TM9SF1: variants seen among roughly 807,000 people sequenced by gnomAD.
TM9SF1 encodes transmembrane 9 superfamily member 1, also known as MP70 protein family member.
In TM9SF1, 25 loss-of-function variants were observed where a neutral mutation model predicts 52.4. The ratio of observed to expected loss-of-function variants is 0.48; its 90% CI spans 0.35 to 0.67. The LOEUF is 0.67. Among genes scored for constraint, TM9SF1 ranks in the 30% least tolerant of loss-of-function variants. TM9SF1 has a pLI of 0.01. For synonymous variants in TM9SF1, 284 were observed against 299.8 expected (o/e 0.95, Z 0.55); for missense variants, 604 against 780.3 (o/e 0.77, Z 2.69).
chr14:24,189,175 A>C lies in TM9SF1; in HGVS notation c.*240T>G. 1 of 474,362 alleles carries C rather than the reference A, an allele frequency of 2.1e-6. No homozygotes were observed. 29.4% of individuals were successfully genotyped at this position (474,362 alleles called of 1,614,324 possible). A position where few individuals can be genotyped will look rare whatever the true frequency, so the allele number is the denominator to read the frequency against. On this transcript the variant is annotated 3_prime_UTR_variant, in exon 6 of 6. Transcript: ENST00000261789. ...TTTTCTTAATAAATTTTATTTTGGT[A>C]ATTGTAAAAAGAAAAATCAGGACCA...
chr14:24,190,538 G>A lies in TM9SF1; in HGVS notation c.1269C>T (p.Gly423=). Reference sequence around the variant, plus strand: ...TGCCTCCAATGACAGTGAGGGGAAAGCCCACCAGCAGCCAAACCGTCAGAA... The same window carrying A: ...TGCCTCCAATGACAGTGAGGGGAAAACCCACCAGCAGCCAAACCGTCAGAA... The part of the protein sequence containing the change: ...LLLLTVWLLV[G]FPLTVIGGIF... The change falls in exon 5 of 6, where the codon GGC becomes GGT. Residue 423 remains glycine (G), a synonymous_variant. Transcript: ENST00000261789. 6.2e-7 allele frequency: 1 copy of A among 1,614,180 alleles called. No homozygotes were observed. The highest frequency in any genetic ancestry group is 8.5e-7 in the Non-Finnish European group (1 of 1,180,040).
chr14:24,190,090 G>C (rs2039294193), intron 5 of TM9SF1: 1 of 1,357,926 alleles, frequency 7.4e-7, no homozygotes, highest in Non-Finnish European at 9.4e-7. Context: ...ATTCAACAAA[G>C]TAAATGGGTC....
At position 24,193,279 on chromosome 14, in the gene TM9SF1, G is replaced by A. The variant is rs1039430840; in HGVS notation, c.346-10C>T. The A allele has an allele frequency of 3.8e-6, 6 of 1,582,308 alleles. No individual in the cohort carries two copies. The African/African-American group carries it at 8.1e-5, about 21-fold the overall frequency. On this transcript the variant is annotated splice_polypyrimidine_tract_variant and intron_variant, in intron 2 of 5. Transcript: ENST00000261789. Reference sequence around the variant, plus strand: ...GGCGCAGCTGCTCCACCTATAAAGAGCAAGTCAGGAGTTGGTCACACAAGA... The same window carrying A: ...GGCGCAGCTGCTCCACCTATAAAGAACAAGTCAGGAGTTGGTCACACAAGA...
chr14:24,195,376 A>G lies in TM9SF1; in HGVS notation c.-48T>C. 4.2e-6 allele frequency: 1 copy of G among 237,144 alleles called. No individual in the cohort carries two copies. Among genetic ancestry groups the G allele is most frequent in the South Asian group, 7.6e-5 (1 of 13,140 alleles). 14.7% of individuals were successfully genotyped at this position (237,144 alleles called of 1,614,324 possible). ...GGGAAGGGCTGGCCGAGGCGGCGCC[A>G]GCGGCCTTCGCGCCCCCGTAGCTGC... On this transcript the variant is annotated 5_prime_UTR_variant, in exon 1 of 6. Coordinates refer to ENST00000261789, the MANE Select transcript of TM9SF1 (RefSeq NM_006405.7).
At position 24,192,576 on chromosome 14, in the gene TM9SF1, C is replaced by T; in HGVS notation, c.967+72G>A. ...CTGGATAGAAGAGAAGATCCACAGA[C>T]CTTTTCTGAACAAACTCCCTACCTA... On this transcript the variant is annotated intron_variant, in intron 3 of 5. Transcript: ENST00000261789. This position sits in a 1 kb window ranked among gnomAD's most constrained non-coding sequence, Gnocchi z 4.0. 6.6e-7 allele frequency: 1 copy of T among 1,503,840 alleles called. No individual in the cohort carries two copies. The highest frequency in any genetic ancestry group is 8.9e-7 in the Non-Finnish European group (1 of 1,124,954). The allele number at this position is 1,503,840 out of a possible 1,614,324, so 93.2% of individuals were successfully genotyped here. A position where few individuals can be genotyped will look rare whatever the true frequency, so the allele number is the denominator to read the frequency against.
At position 24,192,195 on chromosome 14, in the gene TM9SF1, T is replaced by C; in HGVS notation, c.1129A>G (p.Ile377Val). ...IGGERWVWNI[I>V]LTTSLFSVPF... ...CCAGAGAAGAGACTGGTGGTGAGAA[T>C]GATGTTCCACACCCAACGCTCGCCT... is the stretch of plus-strand genomic sequence containing the variant. Residue 377 changes from isoleucine to valine, a missense_variant, in exon 4 of 6, where the codon ATT becomes GTT. Coordinates refer to ENST00000261789, the MANE Select transcript of TM9SF1 (RefSeq NM_006405.7). This position sits in a 1 kb window ranked among gnomAD's most constrained non-coding sequence, Gnocchi z 4.0. The C allele has an allele frequency of 1.2e-6, 2 of 1,614,122 alleles. No individual in the cohort carries two copies. Among genetic ancestry groups the C allele is most frequent in the South Asian group, 1.1e-5 (1 of 91,080 alleles).
chr14:24,194,979 C>A lies in TM9SF1; in HGVS notation c.41G>T (p.Trp14Leu), dbSNP rs761386899. ...VGNPRSWSCQWLPILILLLGT... is the reference protein window; with the variant it reads ...VGNPRSWSCQLLPILILLLGT... The stretch of plus-strand genomic sequence containing the variant: ...CAGCAACAGTATCAGGATTGGCAAC[C>A]ACTGGCAGCTCCAACTTCGAGGGTT... Residue 14 changes from tryptophan to leucine, a missense_variant, in exon 2 of 6, where the codon TGG becomes TTG. By Grantham distance (61) the Trp-to-Leu change is moderately conservative. Around this residue, in one of 3 missense-constraint regions of TM9SF1, gnomAD observed 47 missense variants for 39.7 expected, o/e 1.18. Coordinates refer to ENST00000261789, the MANE Select transcript of TM9SF1 (RefSeq NM_006405.7). 6 of 1,614,060 alleles carry A rather than the reference C, an allele frequency of 3.7e-6. No homozygotes were observed. In the African/African-American group the frequency reaches 4.0e-5, roughly 11 times the overall value.
In TM9SF1 at chr14:24,189,255, T is replaced by G. The variant is rs1045087264; in HGVS notation, c.*160A>C. On this transcript the variant is annotated 3_prime_UTR_variant, in exon 6 of 6. Coordinates refer to ENST00000261789, the MANE Select transcript of TM9SF1 (RefSeq NM_006405.7). ...ATATAATCCTTATGTGATAGAGATTTATAATTTCCAGGCCCTCTCTGGGGA... is the reference window on the plus strand; with the variant it reads ...ATATAATCCTTATGTGATAGAGATTGATAATTTCCAGGCCCTCTCTGGGGA... The G allele has an allele frequency of 2.7e-6, 2 of 731,760 alleles. No individual in the cohort carries two copies. Among genetic ancestry groups the G allele is most frequent in the African/African-American group, 3.5e-5 (2 of 56,974 alleles). The allele number at this position is 731,760 out of a possible 1,614,324, so 45.3% of individuals were successfully genotyped here. A position where few individuals can be genotyped will look rare whatever the true frequency, so the allele number is the denominator to read the frequency against.
chr14:24,189,947 G>C, intron 5 of TM9SF1, 139 bp from the exon 6 acceptor site: 1 of 1,405,754 alleles, frequency 7.1e-7, no homozygotes, highest in Non-Finnish European at 9.3e-7. Flanking sequence ...CTCTGCCCCA[G>C]ATCTCCTGGC....
intron 5 of TM9SF1, 172 bp downstream of exon 5, chr14:24,190,208 A>G (rs931910302): frequency 4.8e-6 from 7 of 1,450,272 alleles, no homozygotes; most frequent in Admixed American, 2.9e-5. Context: ...AGACACTCTC[A>G]TATCATTCAA....
Position 24,193,466 on chromosome 14 carries a change from A to C in TM9SF1, c.346-197T>G, listed in dbSNP as rs188260503. Among the ~76,000 whole-genome samples the C allele has an allele frequency of 2.5e-3, 383 of 151,974 alleles. 1 individual carries two copies. Among genetic ancestry groups the C allele is most frequent in the Middle Eastern group, 0.01 (3 of 294 alleles). On this transcript the variant is annotated intron_variant, in intron 2 of 5. Coordinates refer to ENST00000261789, the MANE Select transcript of TM9SF1 (RefSeq NM_006405.7). ...ACTGCAACTTCTGCCTCCTGGGTTCAAGCAATTCTCCTGCCTCAGCCTCCC... is the reference window on the plus strand; with the variant it reads ...ACTGCAACTTCTGCCTCCTGGGTTCCAGCAATTCTCCTGCCTCAGCCTCCC...
At position 24,194,783 on chromosome 14, in the gene TM9SF1, C is replaced by T; in HGVS notation, c.237G>A (p.Leu79=). The T allele has an allele frequency of 6.2e-7, 1 of 1,614,244 alleles. No homozygotes were observed. Among genetic ancestry groups the T allele is most frequent in the Non-Finnish European group, 8.5e-7 (1 of 1,180,040 alleles). Reference sequence around the variant, plus strand: ...TTCGGTCCCCATCCAGCACTTCACCCAGGCTAAGGCTTTTGTGACGTATCT... The same window carrying T: ...TTCGGTCCCCATCCAGCACTTCACCTAGGCTAAGGCTTTTGTGACGTATCT... ...PEKIRHKSLS[L]GEVLDGDRMA... The change falls in exon 2 of 6, where the codon CTG becomes CTA. Residue 79 remains leucine (L), a synonymous_variant. Coordinates refer to ENST00000261789, the MANE Select transcript of TM9SF1 (RefSeq NM_006405.7).
At chr14:24,193,785 T>C (rs1296028909) in intron 2 of TM9SF1, among the ~76,000 whole-genome samples, 1 of 150,894 alleles carries the variant, frequency 6.6e-6, no homozygotes, top group African/African-American at 2.4e-5. Context: ...CTGGGCGTGG[T>C]GGCGGGCGCC....
In TM9SF1 at chr14:24,193,249, G is replaced by A; in HGVS notation, c.366C>T (p.Ala122=). ...ATTCAAAGTAGTACAGTTCTTCAATGGCCTGGCGCAGCTGCTCCACCTATA... is the reference window on the plus strand; with the variant it reads ...ATTCAAAGTAGTACAGTTCTTCAATAGCCTGGCGCAGCTGCTCCACCTATA... ...SSAQVEQLRQ[A]IEELYYFEFV... Residue 122 remains alanine (A), a synonymous_variant, in exon 3 of 6, where the codon GCC becomes GCT. Coordinates refer to ENST00000261789, the MANE Select transcript of TM9SF1 (RefSeq NM_006405.7). 6.2e-7 allele frequency: 1 copy of A among 1,605,402 alleles called. No homozygotes were observed. Among genetic ancestry groups the A allele is most frequent in the Non-Finnish European group, 8.5e-7 (1 of 1,174,442 alleles).
At chr14:24,195,233 C>G in intron 1 of TM9SF1, 113 bp downstream of exon 1, 1 of 573,394 alleles carries the variant, frequency 1.7e-6, no homozygotes, top group Non-Finnish European at 3.1e-6. Flanking sequence ...GTTCACCCCA[C>G]CCGCAGCCCG....
chr14:24,191,839 A>ATT, intron 4 of TM9SF1: 1 of 215,498 alleles, frequency 4.6e-6, no homozygotes. Flanking sequence ...AGACAGTCTC[A>ATT]CTCTGTCAGC....
chr14:24,190,641 A>G lies in TM9SF1; in HGVS notation c.1166T>C (p.Leu389Pro), dbSNP rs2039306144. The G allele has an allele frequency of 6.2e-7, 1 of 1,611,576 alleles. No individual in the cohort carries two copies. The highest frequency in any genetic ancestry group is 8.5e-7 in the Non-Finnish European group (1 of 1,178,208). Residue 389 changes from leucine (L) to proline (P), a missense_variant, in exon 5 of 6, where the codon CTG (leucine) becomes CCG (proline). Physicochemically the swap from Leu to Pro is moderately conservative, Grantham distance 98 (BLOSUM62 -3). Transcript: ENST00000261789. ...CACTGAGTTCACCACACTCCACGTC[A>G]GGAAGAAAGGCACTGCAGGGATGGG... is the stretch of plus-strand genomic sequence containing the variant. ...TTSLFSVPFF[L>P]TWSVVNSVHW...
intron 1 of TM9SF1, 91 bp downstream of exon 1, chr14:24,195,255 G>T: frequency 1.8e-6 from 1 of 550,852 alleles, no homozygotes; most frequent in Non-Finnish European, 3.2e-6. Context: ...CTGGCCCGGG[G>T]CCTCTACTAC....
intron 5 of TM9SF1, 169 bp from the exon 6 acceptor site, chr14:24,189,977 T>C: frequency 7.2e-7 from 1 of 1,394,842 alleles, no homozygotes; most frequent in Non-Finnish European, 9.3e-7. Context: ...ATTTTTTGCC[T>C]ATGATTAGCC....
Sources: gnomAD v4.1 joint callset for allele counts (sites outside exome capture counted in the v4.1 genomes callset) on GRCh38, gnomAD v4.1.1 for gene constraint, gnomAD v4.1.1 regional missense constraint, Gnocchi (gnomAD v3.1) non-coding constraint, MANE v1.5 for transcripts, NCBI Gene and HGNC (gene_info 2026-07-23, HGNC 2026-07-21) for gene names.